VAV3: variants seen among roughly 807,000 people sequenced by gnomAD.
The protein encoded by VAV3 is guanine nucleotide exchange factor VAV3.
A neutral mutation model predicts 131.2 loss-of-function variants in VAV3; 94 were observed. The observed-to-expected ratio is 0.72, with a 90% CI of 0.61 to 0.85. VAV3 has a LOEUF of 0.85. Among genes scored for constraint, VAV3 ranks in the 40% least tolerant of loss-of-function variants. VAV3 has a pLI of 0.00. For synonymous variants in VAV3, 349 were observed against 342.0 expected (o/e 1.02, Z -0.22); for missense variants, 939 against 1,002.7 (o/e 0.94, Z 0.86).
chr1:107,859,858 C>T (rs1022501057), intron 2 of VAV3, among the ~76,000 whole-genome samples: 1 of 151,994 alleles, frequency 6.6e-6, no homozygotes, highest in Admixed American at 6.6e-5. Context: ...GCTATAAAAT[C>T]CATTGTGGAG....
chr1:107,767,317 A>G (rs181124044), intron 7 of VAV3, among the ~76,000 whole-genome samples: 1 of 152,332 alleles, frequency 6.6e-6, no homozygotes, highest in East Asian at 1.9e-4. Flanking sequence ...AGGCAACTTG[A>G]ACTAGGTGCC....
chr1:107,922,622 G>A (rs1298834084), intron 1 of VAV3, among the ~76,000 whole-genome samples: 1 of 152,152 alleles, frequency 6.6e-6, no homozygotes, highest in Non-Finnish European at 1.5e-5. Flanking sequence ...TTTATTAACA[G>A]AGGTGTGACT....
chr1:107,806,412 TG>T (rs1344519821), intron 2 of VAV3, among the ~76,000 whole-genome samples: 4 of 145,430 alleles, frequency 2.8e-5, no homozygotes, highest in African/African-American at 1.0e-4. Context: ...TACTGAGTTC[TG>T]GGATATTGTT....
intron 2 of VAV3, among the ~76,000 whole-genome samples, chr1:107,790,002 A>G (rs1666205571): frequency 6.6e-6 from 1 of 152,174 alleles, no homozygotes; most frequent in East Asian, 1.9e-4. Flanking sequence ...CCCAGAACAC[A>G]ATGGGAAACA....
At chr1:107,818,943 G>A (rs984055461) in intron 2 of VAV3, among the ~76,000 whole-genome samples, 4 of 152,062 alleles carry the variant, frequency 2.6e-5, no homozygotes, top group African/African-American at 9.7e-5. Context: ...AAAATATATA[G>A]TTTTATTCAA....
At chr1:107,844,477 C>T (rs1056997813) in intron 2 of VAV3, among the ~76,000 whole-genome samples, 4 of 152,130 alleles carry the variant, frequency 2.6e-5, no homozygotes, top group Non-Finnish European at 4.4e-5. Context: ...CGGAAACATT[C>T]ACTCTCCTGG....
chr1:107,852,694 G>A (rs1352440991), intron 2 of VAV3, among the ~76,000 whole-genome samples: 1 of 151,994 alleles, frequency 6.6e-6, no homozygotes, highest in African/African-American at 2.4e-5. Context: ...TTAACATTAT[G>A]TATATCAACT....
At chr1:107,612,964 T>C (rs1176651122) in intron 21 of VAV3, among the ~76,000 whole-genome samples, 1 of 152,160 alleles carries the variant, frequency 6.6e-6, no homozygotes, top group Non-Finnish European at 1.5e-5. Flanking sequence ...CATTCCTTTT[T>C]CCAAGTGTCA....
intron 15 of VAV3, among the ~76,000 whole-genome samples, chr1:107,707,448 C>T (rs80166450): frequency 1.0e-3 from 158 of 152,288 alleles, no homozygotes; most frequent in African/African-American, 3.8e-3. Flanking sequence ...AGAACACTGC[C>T]TGACCCATAT....
intron 4 of VAV3, among the ~76,000 whole-genome samples, chr1:107,775,765 A>G (rs1487142945): frequency 6.6e-6 from 1 of 152,092 alleles, no homozygotes; most frequent in African/African-American, 2.4e-5. Flanking sequence ...AAGAGATAAG[A>G]AACTACTCTT....
chr1:107,760,481 G>A (rs1411713233), intron 10 of VAV3, among the ~76,000 whole-genome samples: 1 of 152,122 alleles, frequency 6.6e-6, no homozygotes, highest in African/African-American at 2.4e-5. Context: ...AATAAATACT[G>A]ATAACTACAG....
chr1:107,576,406 G>C, intron 25 of VAV3: 1 of 1,523,690 alleles, frequency 6.6e-7, no homozygotes, highest in East Asian at 2.5e-5. Flanking sequence ...CCAGAAAGGA[G>C]TGGAAGAAGG....
In VAV3 at chr1:107,737,220, G is replaced by A. The variant is rs952958776; in HGVS notation, c.1502+11748C>T. On this transcript the variant is annotated intron_variant, in intron 15 of 26. Transcript: ENST00000370056. ...AAAATCAATTTAAGATGGATTAAAA[G>A]CATAAATGTTAGACCTAAAACCATA... Among the ~76,000 whole-genome samples the A allele has an allele frequency of 3.3e-5, 5 of 152,064 alleles. 1 individual carries two copies. Among genetic ancestry groups the A allele is most frequent in the Non-Finnish European group, 2.9e-5 (2 of 67,978 alleles).
intron 1 of VAV3, among the ~76,000 whole-genome samples, chr1:107,911,571 A>G (rs981481788): frequency 1.1e-4 from 17 of 152,250 alleles, no homozygotes; most frequent in Non-Finnish European, 7.3e-5. Flanking sequence ...AATAAAACAT[A>G]AATCAAGTCA....
At position 107,574,093 on chromosome 1, in the gene VAV3, G is replaced by A. The variant is rs142245622; in HGVS notation, c.2456C>T (p.Thr819Ile). The A allele has an allele frequency of 1.6e-4, 264 of 1,614,078 alleles. No individual in the cohort carries two copies. The African/African-American group carries it at 3.0e-3, about 19-fold the overall frequency. Residue 819 changes from threonine to isoleucine, a missense_variant, in exon 26 of 27, where the codon ACA (threonine) becomes ATA (isoleucine). Transcript: ENST00000370056. Reference protein sequence around the residue: ...LLKGDVVKIYTKMSANGWWRG... With the variant: ...LLKGDVVKIYIKMSANGWWRG... ...CCACCAGCCATTTGCACTCATCTTT[G>A]TGTAAATCTTCACCACATCTCCTTT...
chr1:107,696,274 A>T (rs1419632145), intron 17 of VAV3, among the ~76,000 whole-genome samples: 1 of 152,220 alleles, frequency 6.6e-6, no homozygotes, highest in South Asian at 2.1e-4. Context: ...CTATCACCTC[A>T]AACATTTATC....
intron 12 of VAV3, among the ~76,000 whole-genome samples, chr1:107,752,124 G>A (rs1035631621): frequency 3.3e-5 from 5 of 152,066 alleles, no homozygotes; most frequent in Admixed American, 2.0e-4. Flanking sequence ...AAAATCATGC[G>A]GCACTGGCAT....
intron 4 of VAV3, among the ~76,000 whole-genome samples, chr1:107,774,122 G>A (rs923167049): frequency 1.5e-4 from 23 of 152,176 alleles, no homozygotes; most frequent in African/African-American, 4.6e-4. Context: ...GCTGGAGTAC[G>A]GTGGTGCAGT....
intron 24 of VAV3, among the ~76,000 whole-genome samples, chr1:107,601,598 T>C (rs1356873728): frequency 1.4e-5 from 2 of 147,156 alleles, no homozygotes; most frequent in East Asian, 4.0e-4. Flanking sequence ...TTATGTCCTA[T>C]ATCCAAACTC....
Sources: gnomAD v4.1 joint callset for allele counts (sites outside exome capture counted in the v4.1 genomes callset) on GRCh38, gnomAD v4.1.1 for gene constraint, MANE v1.5 for transcripts, NCBI Gene and HGNC (gene_info 2026-07-23, HGNC 2026-07-21) for gene names.